ARB2A: variants seen among roughly 807,000 people sequenced by gnomAD.
ARB2A encodes ARB2 cotranscriptional regulator A, also known as cotranscriptional regulator ARB2A.
the ARB2A span, among the ~76,000 whole-genome samples, chr5:93,886,212 T>C: frequency 1.3e-5 from 2 of 151,710 alleles, no homozygotes; most frequent in African/African-American, 4.8e-5. Context: ...AACTATCTTT[T>C]GGTTGGCTAA....
chr5:93,901,755 A>G, the ARB2A span, among the ~76,000 whole-genome samples: 1 of 152,068 alleles, frequency 6.6e-6, no homozygotes, highest in African/African-American at 2.4e-5. Context: ...TAATTCTAAC[A>G]TGATCAATGT....
the ARB2A span, among the ~76,000 whole-genome samples, chr5:93,635,735 C>T: frequency 6.6e-6 from 1 of 152,092 alleles, no homozygotes. Context: ...CTACTGCGTC[C>T]GGCTAGTTTA....
the ARB2A span, among the ~76,000 whole-genome samples, chr5:93,630,784 A>G: frequency 6.6e-6 from 1 of 152,052 alleles, no homozygotes; most frequent in Non-Finnish European, 1.5e-5. Context: ...CAAAAATACA[A>G]AAAAATTAGC....
chr5:93,761,392 G>C, the ARB2A span, among the ~76,000 whole-genome samples: 1 of 152,200 alleles, frequency 6.6e-6, no homozygotes, highest in Non-Finnish European at 1.5e-5. Flanking sequence ...TCAGCAAATA[G>C]CACACCAGGA....
At chr5:93,761,377 TGGTCTCAGCAAATAGCACACCA>T in the ARB2A span, among the ~76,000 whole-genome samples, 7 of 152,324 alleles carry the variant, frequency 4.6e-5, no homozygotes, top group East Asian at 1.4e-3. Flanking sequence ...GCTTTTCCAA[TGGTCTCAGCAAATAGCACACCA>T]GGAGATTATA....
At chr5:93,645,257 TA>T in the ARB2A span, among the ~76,000 whole-genome samples, 1 of 152,276 alleles carries the variant, frequency 6.6e-6, no homozygotes, top group South Asian at 2.1e-4. Context: ...TGCTAAACTC[TA>T]AAAATCTTAT....
the ARB2A span, among the ~76,000 whole-genome samples, chr5:93,745,462 A>G: frequency 1.1e-4 from 16 of 152,306 alleles, no homozygotes; most frequent in African/African-American, 3.8e-4. Flanking sequence ...TGCTCTGAGT[A>G]TAGTAAGTCC....
the ARB2A span, among the ~76,000 whole-genome samples, chr5:93,837,039 T>A: frequency 6.6e-6 from 1 of 152,210 alleles, no homozygotes; most frequent in East Asian, 1.9e-4. Context: ...ATAGGTAAAC[T>A]GTGTGTTGTG....
At chr5:93,921,510 C>T in the ARB2A span, among the ~76,000 whole-genome samples, 7 of 151,962 alleles carry the variant, frequency 4.6e-5, no homozygotes, top group South Asian at 2.1e-4. Context: ...TGTTCTCAGA[C>T]GCCATTAAGA....
the ARB2A span, among the ~76,000 whole-genome samples, chr5:93,677,285 T>A: frequency 6.6e-6 from 1 of 152,168 alleles, no homozygotes; most frequent in Non-Finnish European, 1.5e-5. Context: ...ATACAGATAC[T>A]CAGCATTGAG....
At chr5:94,066,923 T>A in the ARB2A span, among the ~76,000 whole-genome samples, 1 of 152,090 alleles carries the variant, frequency 6.6e-6, no homozygotes, top group South Asian at 2.1e-4. Flanking sequence ...CTGACAAACA[T>A]AGGTGTAAAA....
At chr5:94,089,628 C>T in the ARB2A span, among the ~76,000 whole-genome samples, 1 of 151,676 alleles carries the variant, frequency 6.6e-6, no homozygotes, top group South Asian at 2.1e-4. Flanking sequence ...CACACACACA[C>T]ACACACACAC....
chr5:93,957,559 A>C, the ARB2A span, among the ~76,000 whole-genome samples: 2 of 152,076 alleles, frequency 1.3e-5, no homozygotes, highest in South Asian at 4.1e-4. Context: ...CTTCAATTCT[A>C]CTAAAATATA....
chr5:93,684,806 C>T, the ARB2A span, among the ~76,000 whole-genome samples: 1 of 152,142 alleles, frequency 6.6e-6, no homozygotes. Context: ...AACCAAGTCA[C>T]ATAGGTAAAA....
chr5:94,017,445 A>G, the ARB2A span, among the ~76,000 whole-genome samples: 1 of 152,202 alleles, frequency 6.6e-6, no homozygotes, highest in African/African-American at 2.4e-5. Flanking sequence ...AAGTTTGGAT[A>G]AGAATTAGAA....
At chr5:93,645,011 C>A in the ARB2A span, among the ~76,000 whole-genome samples, 2 of 152,156 alleles carry the variant, frequency 1.3e-5, no homozygotes, top group African/African-American at 4.8e-5. Context: ...GAGAAAAGAG[C>A]CTCAAGCTCA....
At chr5:93,978,003 A>G in the ARB2A span, among the ~76,000 whole-genome samples, 1 of 152,280 alleles carries the variant, frequency 6.6e-6, no homozygotes, top group South Asian at 2.1e-4. Flanking sequence ...GCAGCCAACA[A>G]ACATGAAAAA....
the ARB2A span, among the ~76,000 whole-genome samples, chr5:94,095,852 G>GT: frequency 1.1e-4 from 17 of 151,650 alleles, no homozygotes; most frequent in African/African-American, 2.7e-4. Flanking sequence ...CTGAGAATCT[G>GT]TTTTTTTTCC....
the ARB2A span, among the ~76,000 whole-genome samples, chr5:93,971,741 G>T: frequency 6.6e-6 from 1 of 152,022 alleles, no homozygotes; most frequent in Non-Finnish European, 1.5e-5. Flanking sequence ...CAAGATCTTT[G>T]TATTCAGTAT....
Sources: allele counts gnomAD v4.1 joint callset (sites outside exome capture counted in the v4.1 genomes callset), GRCh38; gene constraint gnomAD v4.1.1; transcripts MANE v1.5; gene names NCBI Gene and HGNC (gene_info 2026-07-23, HGNC 2026-07-21).